Variants in DCBLD2 observed in about 807,000 individuals in gnomAD.
DCBLD2 encodes the protein discoidin, CUB and LCCL domain containing 2.
A neutral mutation model predicts 86.8 loss-of-function variants in DCBLD2; 54 were observed. The observed-to-expected ratio is 0.62, with a 90% CI of 0.50 to 0.78. DCBLD2 has a LOEUF of 0.78. Among genes scored for constraint, DCBLD2 ranks in the 30% least tolerant of loss-of-function variants. The pLI is 0.00. For synonymous variants in DCBLD2, 354 were observed against 341.3 expected (o/e 1.04, Z -0.41); for missense variants, 908 against 954.2 (o/e 0.95, Z 0.64).
At chr3:98,837,991 G>A (rs1460360948) in intron 3 of DCBLD2, among the ~76,000 whole-genome samples, 8 of 78,030 alleles carry the variant, frequency 1.0e-4, no homozygotes, top group Non-Finnish European at 1.4e-4. Flanking sequence ...CAGTAGGGGC[G>A]GCCGGGCAGA....
At chr3:98,895,103 T>C (rs1943729481) in intron 1 of DCBLD2, 2 of 152,094 alleles carry the variant, frequency 1.3e-5, no homozygotes, top group Non-Finnish European at 2.9e-5. Context: ...CAAAATGGCA[T>C]GAAATTATAT....
chr3:98,867,889 G>A (rs1012014144), intron 2 of DCBLD2, among the ~76,000 whole-genome samples: 2 of 151,334 alleles, frequency 1.3e-5, no homozygotes, highest in African/African-American at 2.4e-5. Context: ...TGCAAGCTCC[G>A]CCTCCCAGGT....
At chr3:98,845,423 T>C (rs1026013661) in intron 3 of DCBLD2, among the ~76,000 whole-genome samples, 10 of 152,176 alleles carry the variant, frequency 6.6e-5, no homozygotes, top group East Asian at 1.9e-4. Flanking sequence ...ATGTTCCCTA[T>C]AGAAGATATG....
chr3:98,810,076 G>T lies in DCBLD2; in HGVS notation c.1576+1118C>A, dbSNP rs553054403. Among the ~76,000 whole-genome samples the T allele has an allele frequency of 1.7e-3, 262 of 152,166 alleles. 4 individuals are homozygous for T. The highest frequency in any genetic ancestry group is 6.0e-3 in the African/African-American group (249 of 41,504). The stretch of plus-strand genomic sequence containing the variant: ...AACTCATTCTTTGTTATTCTTTTTG[G>T]GCATACAGGGATCCTAATTCTGGAA... On this transcript the variant is annotated intron_variant, in intron 12 of 15. Coordinates refer to ENST00000326840, the MANE Select transcript of DCBLD2 (RefSeq NM_080927.4).
intron 2 of DCBLD2, among the ~76,000 whole-genome samples, chr3:98,868,381 G>A (rs1460612931): frequency 6.6e-6 from 1 of 152,168 alleles, no homozygotes; most frequent in African/African-American, 2.4e-5. Flanking sequence ...CATGCTGTGT[G>A]TTATGAATGT....
Position 98,871,935 on chromosome 3 carries a change from G to A in DCBLD2, c.433+9605C>T, listed in dbSNP as rs200818795. The stretch of plus-strand genomic sequence containing the variant: ...TTCGTTGTTGTTGTTGTTGTCATTG[G>A]GAGATTTTTTATTACTGATTCAATC... On this transcript the variant is annotated intron_variant, in intron 2 of 15. Transcript: ENST00000326840. Among the ~76,000 whole-genome samples the A allele has an allele frequency of 4.6e-5, 7 of 152,016 alleles. No individual in the cohort carries two copies. The East Asian group carries it at 1.3e-3, about 29-fold the overall frequency.
rs200283275 is a variant in DCBLD2, at chr3:98,811,508, A to T, written c.1410T>A (p.Asn470Lys). ...GAGGGGCTGTAGTGTTTTTGAGGTC[A>T]TTGCTGTTCCGAGGAGGTGGAGGTT... ...LTQPPPPRNSNDLKNTTAPPK... is the reference protein window; with the variant it reads ...LTQPPPPRNSKDLKNTTAPPK... Residue 470 changes from asparagine (N) to lysine (K), a missense_variant, in exon 11 of 16, where the codon AAT (asparagine) becomes AAA (lysine). By Grantham distance (94) the Asn-to-Lys change is moderately conservative. This residue lies in a region of DCBLD2 where 606 missense variants were observed against 678.5 expected (regional missense o/e 0.89). Transcript: ENST00000326840. The T allele has an allele frequency of 1.2e-6, 2 of 1,611,256 alleles. No individual in the cohort carries two copies. The highest frequency in any genetic ancestry group is 1.7e-6 in the Non-Finnish European group (2 of 1,179,002).
chr3:98,861,300 A>G (rs963550857), intron 2 of DCBLD2, among the ~76,000 whole-genome samples: 1 of 121,908 alleles, frequency 8.2e-6, no homozygotes, highest in East Asian at 2.0e-4. Flanking sequence ...CCCCACTGTC[A>G]GCATTAGACA....
chr3:98,880,832 AG>A (rs1360850396), intron 2 of DCBLD2, among the ~76,000 whole-genome samples: 1 of 152,220 alleles, frequency 6.6e-6, no homozygotes, highest in African/African-American at 2.4e-5. Context: ...CTTTAATCCC[AG>A]GAAGTTTGGA....
At chr3:98,900,965 G>A (rs1943838025) in intron 1 of DCBLD2, 157 bp downstream of exon 1, 10 of 1,304,810 alleles carry the variant, frequency 7.7e-6, no homozygotes, top group East Asian at 2.6e-5. Flanking sequence ...GCAAGACCTT[G>A]CCTTTGCAAC....
chr3:98,857,827 G>A (rs1245337095), intron 2 of DCBLD2, among the ~76,000 whole-genome samples: 1 of 152,260 alleles, frequency 6.6e-6, no homozygotes, highest in African/African-American at 2.4e-5. Flanking sequence ...GATACAGAGT[G>A]CCGACTGGTG....
chr3:98,848,436 T>A (rs1218227311), intron 3 of DCBLD2, among the ~76,000 whole-genome samples: 1 of 152,230 alleles, frequency 6.6e-6, no homozygotes, highest in Non-Finnish European at 1.5e-5. Context: ...AACATACACA[T>A]GCTTATGTCT....
At chr3:98,861,214 G>C (rs10935509) in intron 2 of DCBLD2, among the ~76,000 whole-genome samples, 56,080 of 151,810 alleles carry the variant, frequency 0.37, 11,281 homozygotes, top group East Asian at 0.71. Flanking sequence ...GGAGAACCCA[G>C]ATTCATAAAG....
chr3:98,846,140 G>A (rs1241891327), intron 3 of DCBLD2, among the ~76,000 whole-genome samples: 1 of 152,132 alleles, frequency 6.6e-6, no homozygotes, highest in East Asian at 1.9e-4. Flanking sequence ...TTTTTATAAT[G>A]GGCTCTTGCA....
chr3:98,865,981 T>G (rs1352879613), intron 2 of DCBLD2, among the ~76,000 whole-genome samples: 1 of 151,860 alleles, frequency 6.6e-6, no homozygotes, highest in Non-Finnish European at 1.5e-5. Context: ...GTCCTTGTGA[T>G]AGTTTGCTGA....
intron 1 of DCBLD2, among the ~76,000 whole-genome samples, chr3:98,883,321 T>A (rs903263415): frequency 2.6e-5 from 4 of 152,224 alleles, no homozygotes; most frequent in Non-Finnish European, 4.4e-5. Context: ...TAAAGCAATA[T>A]TTAATGAAGT....
At chr3:98,811,411 GAA>G in intron 11 of DCBLD2, 55 bp downstream of exon 11, 2 of 1,612,276 alleles carry the variant, frequency 1.2e-6, no homozygotes, top group South Asian at 2.2e-5. Flanking sequence ...TATATTTTTG[GAA>G]AGTTGCACCA....
intron 1 of DCBLD2, among the ~76,000 whole-genome samples, chr3:98,896,591 T>C (rs1406647823): frequency 6.6e-6 from 1 of 152,200 alleles, no homozygotes; most frequent in Non-Finnish European, 1.5e-5. Context: ...TATGTGAATA[T>C]GTAATAGAAA....
intron 7 of DCBLD2, among the ~76,000 whole-genome samples, chr3:98,819,758 G>A (rs1182720842): frequency 6.6e-6 from 1 of 152,124 alleles, no homozygotes; most frequent in Non-Finnish European, 1.5e-5. Context: ...GGTCTTCCCT[G>A]GGAGGAAGGC....
Sources: allele counts gnomAD v4.1 joint callset (sites outside exome capture counted in the v4.1 genomes callset), GRCh38; gene constraint gnomAD v4.1.1; regional missense constraint gnomAD v4.1.1; transcripts MANE v1.5; gene names NCBI Gene and HGNC (gene_info 2026-07-23, HGNC 2026-07-21).